The following UGT1A8 variants were observed in gnomAD, a reference collection of about 807,000 sequenced individuals.
UGT1A8 encodes UDP-glucuronosyltransferase 1A8.
A neutral mutation model predicts 45.3 loss-of-function variants in UGT1A8; 39 were observed. The observed-to-expected ratio is 0.86, with a 90% confidence interval of 0.67 to 1.12. The LOEUF is 1.12. Ranked by LOEUF, UGT1A8 falls within the 50% of genes most tolerant of loss-of-function variation. UGT1A8 has a pLI of 0.00. For synonymous variants in UGT1A8, 275 were observed against 249.2 expected (o/e 1.10, Z -0.97); for missense variants, 719 against 664.9 (o/e 1.08, Z -0.90).
At chr2:233,713,872 C>T in intron 1 of UGT1A8, 1 of 1,613,754 alleles carries the variant, frequency 6.2e-7, no homozygotes, top group Non-Finnish European at 8.5e-7. Context: ...TGTATTGGTG[C>T]CTTTATCCAA....
In UGT1A8 at chr2:233,755,391, C is replaced by G. The variant is rs115647781; in HGVS notation, c.856-11643C>G. 7.3e-3 allele frequency: 2,499 copies of G among 343,022 alleles called. 14 individuals carry two copies. The highest frequency in any genetic ancestry group is 0.01 in the Non-Finnish European group (1,783 of 176,380). 21.2% of individuals were successfully genotyped at this position (343,022 alleles called of 1,614,324 possible). A position where few individuals can be genotyped will look rare whatever the true frequency, so the allele number is the denominator to read the frequency against. On this transcript the variant is annotated intron_variant, in intron 1 of 4. Coordinates refer to ENST00000373450, the MANE Select transcript of UGT1A8 (RefSeq NM_019076.5). ...TGGAGGGCCGCCCCTTATGACGCAGCCACATCTCATTGGCCGAGGCCTGTG... is the reference window on the plus strand; with the variant it reads ...TGGAGGGCCGCCCCTTATGACGCAGGCACATCTCATTGGCCGAGGCCTGTG...
chr2:233,701,893 A>G (rs17862865), intron 1 of UGT1A8, among the ~76,000 whole-genome samples: 86,716 of 151,582 alleles, frequency 0.57, 26,751 homozygotes, highest in African/African-American at 0.82. Context: ...GAGAAAGCAG[A>G]AAAGATCTAA....
At chr2:233,765,305 A>G (rs777427074) in intron 1 of UGT1A8, among the ~76,000 whole-genome samples, 9 of 152,220 alleles carry the variant, frequency 5.9e-5, no homozygotes, top group Admixed American at 1.3e-4. Flanking sequence ...ACACATGCAC[A>G]TATTTGTTTA....
rs1443134850 is a variant in UGT1A8, at chr2:233,719,013, G to A, written c.856-48021G>A. 5 of 1,614,222 alleles carry A rather than the reference G, an allele frequency of 3.1e-6. No homozygotes were observed. The African/African-American group carries it at 5.3e-5, about 17-fold the overall frequency. On this transcript the variant is annotated intron_variant, in intron 1 of 4. Transcript: ENST00000373450. ...CCAGGCGGTGGTCCTCACCCCAGAG[G>A]TGAATATGCACATCAAAGAAGAGAA... is the stretch of plus-strand genomic sequence containing the variant.
intron 1 of UGT1A8, chr2:233,754,842 G>A (rs1695608877): frequency 7.4e-7 from 1 of 1,343,156 alleles, no homozygotes; most frequent in Non-Finnish European, 1.0e-6. Context: ...TTCACTGAAG[G>A]CAGAGAAAAG....
At chr2:233,752,965 A>C (rs1252890509) in intron 1 of UGT1A8, among the ~76,000 whole-genome samples, 1 of 152,202 alleles carries the variant, frequency 6.6e-6, no homozygotes, top group East Asian at 1.9e-4. Flanking sequence ...GATTTATGTA[A>C]CCAATTGTGT....
intron 1 of UGT1A8, among the ~76,000 whole-genome samples, chr2:233,650,583 G>A (rs920336285): frequency 2.0e-5 from 3 of 152,120 alleles, no homozygotes; most frequent in African/African-American, 7.2e-5. Flanking sequence ...TTACTCATTT[G>A]TAAACTGCAA....
At chr2:233,727,130 G>A (rs2077585965) in intron 1 of UGT1A8, among the ~76,000 whole-genome samples, 1 of 152,168 alleles carries the variant, frequency 6.6e-6, no homozygotes, top group Non-Finnish European at 1.5e-5. Context: ...TGGCAGAGGG[G>A]AACAAGACCA....
At chr2:233,637,365 G>A (rs1309536875) in intron 1 of UGT1A8, 2 of 1,612,922 alleles carry the variant, frequency 1.2e-6, no homozygotes, top group South Asian at 1.1e-5. Context: ...ATCAGGGAAA[G>A]CCATTGCCTA....
chr2:233,645,717 T>C (rs2073583295), intron 1 of UGT1A8, among the ~76,000 whole-genome samples: 1 of 152,220 alleles, frequency 6.6e-6, no homozygotes, highest in Admixed American at 6.5e-5. Flanking sequence ...TCCCATGGTC[T>C]TAGGCAGCTC....
chr2:233,760,308 C>T lies in UGT1A8; in HGVS notation c.856-6726C>T, dbSNP rs780253764. Reference sequence around the variant, plus strand: ...GCGCCATGGCTGTGGAGTCCCAGGGCGGACGCCCACTTGTCCTGGGCCTGC... The same window carrying T: ...GCGCCATGGCTGTGGAGTCCCAGGGTGGACGCCCACTTGTCCTGGGCCTGC... On this transcript the variant is annotated intron_variant, in intron 1 of 4. Transcript: ENST00000373450. 9.9e-6 allele frequency: 16 copies of T among 1,613,678 alleles called. No homozygotes were observed. The highest frequency in any genetic ancestry group is 1.7e-5 in the Admixed American group (1 of 60,028).
intron 1 of UGT1A8, among the ~76,000 whole-genome samples, chr2:233,765,966 G>A (rs538817499): frequency 3.1e-4 from 47 of 152,252 alleles, no homozygotes; most frequent in African/African-American, 1.1e-3. Context: ...GTGTCTAGAG[G>A]TGGATGTTTA....
chr2:233,747,956 T>G, intron 1 of UGT1A8: 1 of 1,613,440 alleles, frequency 6.2e-7, no homozygotes, highest in African/African-American at 1.3e-5. Flanking sequence ...TGGTGGATCT[T>G]CTCAGCCATG....
intron 1 of UGT1A8, among the ~76,000 whole-genome samples, chr2:233,629,248 T>A (rs1223134959): frequency 3.3e-5 from 5 of 152,208 alleles, no homozygotes; most frequent in African/African-American, 1.2e-4. Flanking sequence ...TAGTTCACTC[T>A]GCACAATGCC....
At chr2:233,761,017 G>A (rs1188733606) in intron 1 of UGT1A8, 1 of 1,614,178 alleles carries the variant, frequency 6.2e-7, no homozygotes, top group Non-Finnish European at 8.5e-7. Flanking sequence ...AGAGGTGACT[G>A]TCCAGGACCT....
chr2:233,654,334 A>G (rs950078690), intron 1 of UGT1A8, among the ~76,000 whole-genome samples: 6 of 152,182 alleles, frequency 3.9e-5, no homozygotes, highest in East Asian at 1.9e-4. Flanking sequence ...TCAGAATTCA[A>G]CCTTCAGGAT....
intron 1 of UGT1A8, among the ~76,000 whole-genome samples, chr2:233,668,561 A>T (rs866886938): frequency 9.2e-5 from 14 of 152,176 alleles, no homozygotes; most frequent in Admixed American, 2.0e-4. Flanking sequence ...AATCCTTTGG[A>T]TACATACCCA....
rs1393468196 is a variant in UGT1A8 at position 233,724,983 on chromosome 2, G to A, written c.856-42051G>A. Among the ~76,000 whole-genome samples, 3 of 134,836 alleles carry A rather than the reference G, an allele frequency of 2.2e-5. 1 individual carries two copies. The highest frequency in any genetic ancestry group is 9.1e-5 in the African/African-American group (3 of 32,964). The allele number at this position is 134,836 out of a possible 152,430, so 88.5% of individuals were successfully genotyped here. A position where few individuals can be genotyped will look rare whatever the true frequency, so the allele number is the denominator to read the frequency against. On this transcript the variant is annotated intron_variant, in intron 1 of 4. Transcript: ENST00000373450. ...AGGCCGAGGTTGGCGGATCACTCGC[G>A]GTTAGGGGCTGGAGACCGGCCCGGC...
intron 1 of UGT1A8, among the ~76,000 whole-genome samples, chr2:233,687,779 G>A (rs2074862793): frequency 6.6e-6 from 1 of 151,972 alleles, no homozygotes; most frequent in Admixed American, 6.6e-5. Context: ...GGTGGCATAT[G>A]CCTGTGGTCC....
Sources: allele counts gnomAD v4.1 joint callset (sites outside exome capture counted in the v4.1 genomes callset), GRCh38; gene constraint gnomAD v4.1.1; transcripts MANE v1.5; gene names NCBI Gene and HGNC (gene_info 2026-07-23, HGNC 2026-07-21).